The following PTPRD variants were observed in gnomAD, a reference collection of about 807,000 sequenced individuals.
The protein encoded by PTPRD is protein tyrosine phosphatase receptor type D.
PTPRD carries 34 observed loss-of-function variants against 214.5 expected under a neutral mutation model. The observed-to-expected ratio is 0.16, with a 90% CI of 0.12 to 0.21. The LOEUF (loss-of-function observed/expected upper bound fraction) is 0.21, where lower values mean the gene tolerates loss of function less well. PTPRD is among the 10% of genes least tolerant of loss of function. PTPRD has a pLI of 1.00. For missense variants in PTPRD, 2,545 were observed against 2,398.7 expected, an observed-to-expected ratio of 1.06 and a Z score of -1.27; for synonymous variants, 1,128 against 845.7, an observed-to-expected ratio of 1.33 and a Z score of -5.79.
At chr9:8,417,863 CA>C (rs1469136972) in intron 35 of PTPRD, among the ~76,000 whole-genome samples, 3 of 152,140 alleles carry the variant, frequency 2.0e-5, no homozygotes, top group Non-Finnish European at 4.4e-5. Context: ...TCCAAATACA[CA>C]GATATACTAA....
At chr9:8,511,070 T>C (rs1003235706) in intron 21 of PTPRD, among the ~76,000 whole-genome samples, 1 of 152,094 alleles carries the variant, frequency 6.6e-6, no homozygotes, top group Non-Finnish European at 1.5e-5. Flanking sequence ...ATTTTATTTA[T>C]ATATTTATTT....
chr9:9,255,262 C>T (rs1000643731), intron 9 of PTPRD, among the ~76,000 whole-genome samples: 7 of 151,964 alleles, frequency 4.6e-5, no homozygotes, highest in Admixed American at 2.6e-4. Flanking sequence ...ATTTAGATTC[C>T]GTTATCATTG....
intron 11 of PTPRD, among the ~76,000 whole-genome samples, chr9:8,954,518 A>G (rs1190092756): frequency 7.2e-6 from 1 of 138,894 alleles, no homozygotes; most frequent in East Asian, 2.0e-4. Context: ...GAGAGAAAGA[A>G]GAAAGTGGTA....
chr9:10,478,080 G>A, intron 2 of PTPRD, among the ~76,000 whole-genome samples: 1 of 151,780 alleles, frequency 6.6e-6, no homozygotes, highest in East Asian at 1.9e-4. Context: ...AACCACCATG[G>A]TACATGTATA....
chr9:9,675,400 C>T (rs1187128945), intron 7 of PTPRD, among the ~76,000 whole-genome samples: 3 of 150,664 alleles, frequency 2.0e-5, no homozygotes, highest in Non-Finnish European at 4.4e-5. Context: ...TAGAACAATT[C>T]TAAAGAAATA....
chr9:9,646,096 A>C (rs2096153216), intron 7 of PTPRD, among the ~76,000 whole-genome samples: 1 of 152,194 alleles, frequency 6.6e-6, no homozygotes. Flanking sequence ...TTTACTTAGC[A>C]AGATGCTTTC....
intron 11 of PTPRD, among the ~76,000 whole-genome samples, chr9:8,949,747 G>C (rs1240998812): frequency 6.6e-6 from 1 of 152,018 alleles, no homozygotes; most frequent in African/African-American, 2.4e-5. Context: ...TAAGTATTTA[G>C]CACAACAAAA....
At chr9:9,373,006 T>A (rs528548471) in intron 9 of PTPRD, among the ~76,000 whole-genome samples, 1 of 152,226 alleles carries the variant, frequency 6.6e-6, no homozygotes, top group East Asian at 1.9e-4. Context: ...TATGAAGACT[T>A]TCTTCTTCTA....
intron 39 of PTPRD, among the ~76,000 whole-genome samples, chr9:8,369,519 A>G (rs2080898642): frequency 6.7e-6 from 1 of 150,102 alleles, no homozygotes; most frequent in Non-Finnish European, 1.5e-5. Context: ...ATTGCTCTCT[A>G]TGTGGTATGC....
intron 9 of PTPRD, among the ~76,000 whole-genome samples, chr9:9,296,289 G>A (rs897931074): frequency 6.6e-6 from 1 of 151,664 alleles, no homozygotes; most frequent in African/African-American, 2.4e-5. Context: ...GTTCTCACAT[G>A]ACCTTTAATT....
chr9:9,933,251 G>C (rs1211761128), intron 5 of PTPRD, among the ~76,000 whole-genome samples: 2 of 152,310 alleles, frequency 1.3e-5, no homozygotes, highest in African/African-American at 2.4e-5. Flanking sequence ...TGTAAATGGA[G>C]TACATGCTCC....
intron 44 of PTPRD, among the ~76,000 whole-genome samples, chr9:8,330,529 TTTGG>T (rs908806394): frequency 8.6e-5 from 13 of 151,132 alleles, no homozygotes; most frequent in Admixed American, 7.3e-4. Flanking sequence ...CTACAAGCTC[TTTGG>T]TTGGTTTGCA....
chr9:9,993,881 T>A (rs1033855757), intron 4 of PTPRD, among the ~76,000 whole-genome samples: 1 of 152,188 alleles, frequency 6.6e-6, no homozygotes, highest in Non-Finnish European at 1.5e-5. Context: ...TGTTAACTGA[T>A]CATGGTGATC....
intron 11 of PTPRD, among the ~76,000 whole-genome samples, chr9:8,917,603 C>T (rs1299560638): frequency 6.6e-6 from 1 of 151,956 alleles, no homozygotes; most frequent in Non-Finnish European, 1.5e-5. Flanking sequence ...TTTTAATCAC[C>T]CCTATTTTCT....
intron 3 of PTPRD, among the ~76,000 whole-genome samples, chr9:10,122,491 G>A (rs977177557): frequency 2.0e-5 from 3 of 152,010 alleles, no homozygotes; most frequent in Non-Finnish European, 2.9e-5. Flanking sequence ...ACAATTGGAT[G>A]CAGAGAAAGA....
intron 8 of PTPRD, among the ~76,000 whole-genome samples, chr9:9,521,665 A>G (rs917905469): frequency 6.6e-6 from 1 of 152,190 alleles, no homozygotes; most frequent in Non-Finnish European, 1.5e-5. Flanking sequence ...TTAAAGCCCT[A>G]TGCCTCGTAA....
At chr9:10,156,093 TGTGTG>T (rs1564186272) in intron 3 of PTPRD, among the ~76,000 whole-genome samples, 7 of 145,638 alleles carry the variant, frequency 4.8e-5, no homozygotes, top group Admixed American at 4.1e-4. Context: ...TGTGTGTGTG[TGTGTG>T]TGTGTGTGTG....
chr9:9,199,051 G>A (rs1021076236), intron 9 of PTPRD, among the ~76,000 whole-genome samples: 2 of 152,288 alleles, frequency 1.3e-5, no homozygotes, highest in South Asian at 4.1e-4. Flanking sequence ...AGCAGGTCAA[G>A]TGTTATCTAC....
chr9:10,459,937 A>T (rs1375567420), intron 2 of PTPRD, among the ~76,000 whole-genome samples: 1 of 151,998 alleles, frequency 6.6e-6, no homozygotes, highest in African/African-American at 2.4e-5. Flanking sequence ...CCAATTTTTT[A>T]TTATGGCAAA....
Sources: allele counts gnomAD v4.1 joint callset (sites outside exome capture counted in the v4.1 genomes callset), GRCh38; gene constraint gnomAD v4.1.1; transcripts MANE v1.5; gene names NCBI Gene and HGNC (gene_info 2026-07-23, HGNC 2026-07-21).